Variants in SMYD3 observed in about 807,000 individuals in gnomAD.
The protein encoded by SMYD3 is SET and MYND domain containing 3, also known as histone-lysine N-methyltransferase SMYD3.
In SMYD3, 36 loss-of-function variants were observed where a neutral mutation model predicts 57.7. That is an observed-to-expected ratio of 0.62 (90% confidence interval 0.48 to 0.82). The LOEUF (loss-of-function observed/expected upper bound fraction) is 0.82. Ranked by LOEUF, SMYD3 falls within the 40% of genes least tolerant of loss-of-function variation. SMYD3 has a pLI of 0.00. For synonymous variants in SMYD3, 211 were observed against 195.0 expected, an observed-to-expected ratio of 1.08 and a Z score of -0.68; for missense variants, 515 against 538.8, an observed-to-expected ratio of 0.96 and a Z score of 0.44.
chr1:246,333,752 G>A (rs2148670276), intron 3 of SMYD3, among the ~76,000 whole-genome samples: 1 of 152,080 alleles, frequency 6.6e-6, no homozygotes, highest in East Asian at 1.9e-4. Flanking sequence ...GGGGCGTGGT[G>A]GCATGCACCT....
chr1:246,247,257 A>G (rs1189739834), intron 5 of SMYD3, among the ~76,000 whole-genome samples: 1 of 152,154 alleles, frequency 6.6e-6, no homozygotes, highest in Non-Finnish European at 1.5e-5. Flanking sequence ...GTGCAAGTAC[A>G]GAAGAAAATT....
chr1:245,982,647 T>C (rs977410372), intron 5 of SMYD3, among the ~76,000 whole-genome samples: 1 of 152,228 alleles, frequency 6.6e-6, no homozygotes, highest in African/African-American at 2.4e-5. Flanking sequence ...TTGTATTTAA[T>C]TCATATTCCC....
chr1:245,908,956 T>C (rs928198705), intron 8 of SMYD3, among the ~76,000 whole-genome samples: 2 of 151,746 alleles, frequency 1.3e-5, no homozygotes, highest in African/African-American at 4.8e-5. Flanking sequence ...AGGTAAGAAA[T>C]AAAGATCCAA....
intron 5 of SMYD3, among the ~76,000 whole-genome samples, chr1:246,297,724 A>G (rs1204661114): frequency 6.6e-6 from 1 of 152,150 alleles, no homozygotes; most frequent in Non-Finnish European, 1.5e-5. Context: ...CCAGAGATTC[A>G]CTGTATTGAC....
At chr1:245,838,068 T>C (rs747915200) in intron 10 of SMYD3, among the ~76,000 whole-genome samples, 37 of 151,090 alleles carry the variant, frequency 2.4e-4, no homozygotes, top group Non-Finnish European at 4.3e-4. Context: ...ACATTTTATT[T>C]TAAGGCCATG....
At chr1:246,034,853 C>T (rs1338513438) in intron 5 of SMYD3, among the ~76,000 whole-genome samples, 1 of 152,164 alleles carries the variant, frequency 6.6e-6, no homozygotes, top group African/African-American at 2.4e-5. Context: ...CAGAGTTCTC[C>T]ATCCCCTGCT....
chr1:245,900,191 T>A (rs960961985), intron 8 of SMYD3, among the ~76,000 whole-genome samples: 5 of 152,206 alleles, frequency 3.3e-5, no homozygotes, highest in African/African-American at 1.2e-4. Flanking sequence ...GTAGACATTA[T>A]GCACTAGCTA....
At chr1:246,149,387 T>C (rs906991648) in intron 5 of SMYD3, among the ~76,000 whole-genome samples, 2 of 152,200 alleles carry the variant, frequency 1.3e-5, no homozygotes, top group Admixed American at 1.3e-4. Flanking sequence ...TTTCTCACTC[T>C]GCTGTGACTG....
intron 5 of SMYD3, among the ~76,000 whole-genome samples, chr1:245,967,155 G>C (rs2058175529): frequency 6.6e-6 from 1 of 152,162 alleles, no homozygotes; most frequent in Non-Finnish European, 1.5e-5. Context: ...GAAAGAGGTA[G>C]AAATCTCTCT....
intron 5 of SMYD3, among the ~76,000 whole-genome samples, chr1:246,302,414 T>A (rs936602496): frequency 2.0e-5 from 3 of 152,164 alleles, no homozygotes; most frequent in African/African-American, 7.2e-5. Flanking sequence ...TTTTCTGTCA[T>A]GTGAAACTGT....
chr1:245,968,911 A>C (rs887015817), intron 5 of SMYD3, among the ~76,000 whole-genome samples: 3 of 152,122 alleles, frequency 2.0e-5, no homozygotes, highest in African/African-American at 7.2e-5. Flanking sequence ...GTACACTGTT[A>C]AGGAGGCAAT....
intron 5 of SMYD3, among the ~76,000 whole-genome samples, chr1:246,062,707 A>G (rs1279865400): frequency 6.6e-6 from 1 of 152,184 alleles, no homozygotes; most frequent in Non-Finnish European, 1.5e-5. Context: ...AACCCCTTTG[A>G]ACACTTGACC....
At chr1:246,330,150 A>C (rs1322685037) in intron 4 of SMYD3, among the ~76,000 whole-genome samples, 2 of 152,216 alleles carry the variant, frequency 1.3e-5, no homozygotes, top group African/African-American at 4.8e-5. Context: ...CTCTGACATC[A>C]AAAAGAAAAC....
chr1:245,844,819 A>G (rs1393429361), intron 10 of SMYD3, among the ~76,000 whole-genome samples: 1 of 152,186 alleles, frequency 6.6e-6, no homozygotes, highest in Non-Finnish European at 1.5e-5. Context: ...TGACTTTTCT[A>G]GCTTTAGCCA....
Position 245,787,837 on chromosome 1 carries a change from A to G in SMYD3, c.1077-23688T>C, listed in dbSNP as rs577647504. On this transcript the variant is annotated intron_variant, in intron 10 of 11. Coordinates refer to ENST00000490107, the MANE Select transcript of SMYD3 (RefSeq NM_001167740.2). Reference sequence around the variant, plus strand: ...GCACAAGCGACTCCCAGATTCCTCAAAAGCAAACCACGGAGAGTTGAGCTT... The same window carrying G: ...GCACAAGCGACTCCCAGATTCCTCAGAAGCAAACCACGGAGAGTTGAGCTT... Among the ~76,000 whole-genome samples the G allele has an allele frequency of 3.4e-4, 52 of 152,328 alleles. 1 individual carries two copies. The South Asian group carries it at 1.0e-2, about 29-fold the overall frequency.
intron 5 of SMYD3, among the ~76,000 whole-genome samples, chr1:246,103,048 G>A (rs1419565597): frequency 1.3e-5 from 2 of 152,130 alleles, no homozygotes; most frequent in African/African-American, 4.8e-5. Flanking sequence ...AGCTACCTGA[G>A]GGCAGGATTT....
intron 2 of SMYD3, among the ~76,000 whole-genome samples, chr1:246,354,804 C>T (rs774016048): frequency 3.6e-4 from 55 of 152,114 alleles, no homozygotes; most frequent in Non-Finnish European, 4.6e-4. Context: ...TTTACTTTCA[C>T]ATAGTAGACA....
chr1:245,825,943 T>C (rs578149428), intron 10 of SMYD3, among the ~76,000 whole-genome samples: 2 of 125,700 alleles, frequency 1.6e-5, no homozygotes, highest in African/African-American at 5.5e-5. Flanking sequence ...TAAACGACCT[T>C]CCTATGAAGG....
chr1:246,147,435 G>A (rs2061867386), intron 5 of SMYD3, among the ~76,000 whole-genome samples: 1 of 152,156 alleles, frequency 6.6e-6, no homozygotes, highest in South Asian at 2.1e-4. Context: ...GAATCAGGAC[G>A]TGCTCGGTGG....
Sources: allele counts gnomAD v4.1 joint callset (sites outside exome capture counted in the v4.1 genomes callset), GRCh38; gene constraint gnomAD v4.1.1; transcripts MANE v1.5; gene names NCBI Gene and HGNC (gene_info 2026-07-23, HGNC 2026-07-21).